RNF149: variants seen among roughly 807,000 people sequenced by gnomAD.
RNF149 encodes the protein E3 ubiquitin-protein ligase RNF149.
In RNF149, 21 loss-of-function variants were observed where a neutral mutation model predicts 39.0. The observed-to-expected ratio is 0.54, with a 90% CI of 0.38 to 0.77. RNF149 has a LOEUF of 0.77. RNF149 is among the 30% of genes least tolerant of loss of function. The probability of loss-of-function intolerance (pLI) is 0.00; values close to 1 mark genes in which losing one functional copy is unlikely to be tolerated. For synonymous variants in RNF149, 209 were observed against 213.6 expected (o/e 0.98, Z 0.19); for missense variants, 493 against 534.9 (o/e 0.92, Z 0.77).
chr2:101,278,313 C>G (rs1221009013), intron 6 of RNF149, among the ~76,000 whole-genome samples: 1 of 151,980 alleles, frequency 6.6e-6, no homozygotes, highest in Non-Finnish European at 1.5e-5. Context: ...CGCCACCACG[C>G]CCCGCTAATT....
At chr2:101,273,904 T>G (rs903014366), downstream of RNF149, among the ~76,000 whole-genome samples, 1 of 152,214 alleles carries the variant, frequency 6.6e-6, no homozygotes, top group Non-Finnish European at 1.5e-5. Context: ...TTTCTAGAGA[T>G]ATGACCGTAA....
At chr2:101,282,562 C>G (rs533293713) in intron 5 of RNF149, among the ~76,000 whole-genome samples, 1 of 152,150 alleles carries the variant, frequency 6.6e-6, no homozygotes, top group African/African-American at 2.4e-5. Flanking sequence ...TTCCCTCCCT[C>G]CTTCCATTTG....
At chr2:101,273,381 ATAT>A (rs751587667), downstream of RNF149, 92 of 470,752 alleles carry the variant, frequency 2.0e-4, 1 homozygote, top group South Asian at 1.3e-3. Context: ...GTGGTAAATA[ATAT>A]AACAATGAAA....
In RNF149 at chr2:101,277,173, A is replaced by G; in HGVS notation, c.*65T>C. The G allele has an allele frequency of 6.3e-7, 1 of 1,585,898 alleles. No homozygotes were observed. The stretch of plus-strand genomic sequence containing the variant: ...ATATACAAATTATGTGCTAAAGTAA[A>G]AAAAATAAAATGTCCTTTAGTTCAA... On this transcript the variant is annotated 3_prime_UTR_variant, in exon 7 of 7. Transcript: ENST00000295317.
At position 101,294,934 on chromosome 2, in the gene RNF149, A is replaced by G; in HGVS notation, c.708T>C (p.Ser236=). The change falls in exon 2 of 7, where the codon AGT becomes AGC. Residue 236 remains serine, a synonymous_variant. Transcript: ENST00000295317. ...RFLYTGSQIG[S]QSHRKETKKV... is the part of the protein sequence containing the mutation. ...ATTCAGAGTTATCCATCATTACCTG[A>G]CTTCCAATCTGAGAGCCAGTATATA... 1 of 1,608,546 alleles carries G rather than the reference A, an allele frequency of 6.2e-7. No homozygotes were observed. Among genetic ancestry groups the G allele is most frequent in the Non-Finnish European group, 8.5e-7 (1 of 1,175,570 alleles).
chr2:101,278,869 G>T (rs925272823), intron 6 of RNF149, among the ~76,000 whole-genome samples: 1 of 152,202 alleles, frequency 6.6e-6, no homozygotes, highest in Non-Finnish European at 1.5e-5. Context: ...GAAGTAGGTG[G>T]AGAGTGATGT....
intron 5 of RNF149, among the ~76,000 whole-genome samples, chr2:101,284,716 T>C (rs1227559676): frequency 6.6e-6 from 1 of 152,194 alleles, no homozygotes; most frequent in Admixed American, 6.5e-5. Flanking sequence ...GGTCAGTTCT[T>C]TAATGATGCC....
rs547410441 is a variant in RNF149, at chr2:101,288,617, T to A, written c.863+356A>T. 3.2e-5 allele frequency: 6 copies of A among 186,392 alleles called. No homozygotes were observed. The East Asian group carries it at 1.0e-3, about 32-fold the overall frequency. The allele number at this position is 186,392 out of a possible 1,614,324, so 11.5% of individuals were successfully genotyped here. A position where few individuals can be genotyped will look rare whatever the true frequency, so the allele number is the denominator to read the frequency against. On this transcript the variant is annotated intron_variant, in intron 4 of 6. Coordinates refer to ENST00000295317, the MANE Select transcript of RNF149 (RefSeq NM_173647.4). ...CTCAACCTATTTCCCTTAGGCTGTT[T>A]CAGGCCCTTCTCCCTGGTCCCTCAT...
At chr2:101,277,563 A>G (rs1191811424) in intron 6 of RNF149, among the ~76,000 whole-genome samples, 1 of 152,102 alleles carries the variant, frequency 6.6e-6, no homozygotes, top group South Asian at 2.1e-4. Context: ...TACTTTTTGC[A>G]TTTTTAGTAG....
chr2:101,276,239 T>C lies in RNF149; in HGVS notation c.*999A>G. ...AAGTGAAAAAATAGCAGAGTGTGTG[T>C]TTAATCACTTTTTAACACTTAGCAG... On this transcript the variant is annotated 3_prime_UTR_variant, in exon 7 of 7. Coordinates refer to ENST00000295317, the MANE Select transcript of RNF149 (RefSeq NM_173647.4). 1 of 985,328 alleles carries C rather than the reference T, an allele frequency of 1.0e-6. No homozygotes were observed. Among genetic ancestry groups the C allele is most frequent in the African/African-American group, 1.7e-5 (1 of 57,328 alleles). 61.0% of individuals were successfully genotyped at this position (985,328 alleles called of 1,614,324 possible). A position where few individuals can be genotyped will look rare whatever the true frequency, so the allele number is the denominator to read the frequency against.
chr2:101,288,711 T>G (rs1682889018), intron 4 of RNF149: 1 of 339,454 alleles, frequency 2.9e-6, no homozygotes, highest in African/African-American at 2.2e-5. Flanking sequence ...AGGATTCTGA[T>G]AAAGCCTTGC....
chr2:101,290,007 C>T (rs1682946634), intron 3 of RNF149, among the ~76,000 whole-genome samples: 1 of 151,790 alleles, frequency 6.6e-6, no homozygotes, highest in African/African-American at 2.4e-5. Flanking sequence ...TGGTGAAACC[C>T]CACCTCTACT....
chr2:101,302,871 G>A (rs552503097), intron 1 of RNF149, among the ~76,000 whole-genome samples: 5 of 151,940 alleles, frequency 3.3e-5, no homozygotes, highest in Admixed American at 2.6e-4. Flanking sequence ...TCCCAGCTAC[G>A]CAGAAGGCTA....
chr2:101,272,693 A>T (rs764281956), downstream of RNF149: 11 of 303,332 alleles, frequency 3.6e-5, no homozygotes, highest in Non-Finnish European at 5.9e-5. Context: ...CTACTTAGTA[A>T]TACATATATA....
intron 3 of RNF149, 52 bp from the exon 4 acceptor site, chr2:101,289,107 C>A: frequency 1.0e-6 from 1 of 1,001,890 alleles, no homozygotes; most frequent in Non-Finnish European, 1.6e-6. Flanking sequence ...CAGTATATCC[C>A]TTGGTAAACT....
intron 1 of RNF149, among the ~76,000 whole-genome samples, chr2:101,307,539 AGGAAAT>A: frequency 6.6e-6 from 1 of 152,330 alleles, no homozygotes; most frequent in Middle Eastern, 3.4e-3. Context: ...CTCAAGACTC[AGGAAAT>A]CTGACTGGCA....
At chr2:101,271,584 A>G (rs553835845), downstream of RNF149, 112 of 135,266 alleles carry the variant, frequency 8.3e-4, no homozygotes, top group African/African-American at 3.0e-3. Context: ...GTGAGCAACA[A>G]TGGCACCACT....
At chr2:101,284,987 C>T (rs1212920787) in intron 5 of RNF149, among the ~76,000 whole-genome samples, 1 of 152,114 alleles carries the variant, frequency 6.6e-6, no homozygotes, top group African/African-American at 2.4e-5. Flanking sequence ...CTCTGCCTCC[C>T]AGACTCATGC....
intron 1 of RNF149, among the ~76,000 whole-genome samples, chr2:101,297,072 G>C (rs539957444): frequency 6.6e-6 from 1 of 152,192 alleles, no homozygotes; most frequent in African/African-American, 2.4e-5. Flanking sequence ...AGCTAGGTGT[G>C]GTGGTGGGCG....
Sources: allele counts gnomAD v4.1 joint callset (sites outside exome capture counted in the v4.1 genomes callset), GRCh38; gene constraint gnomAD v4.1.1; transcripts MANE v1.5; gene names NCBI Gene and HGNC (gene_info 2026-07-23, HGNC 2026-07-21).